Variants in FBN2 observed in about 807,000 individuals in gnomAD.
The protein encoded by FBN2 is fibrillin 2.
FBN2 carries 105 observed loss-of-function variants against 355.6 expected under a neutral mutation model. The ratio of observed to expected loss-of-function variants is 0.30; its 90% CI spans 0.25 to 0.35. The LOEUF is 0.35. Among genes scored for constraint, FBN2 ranks in the 10% least tolerant of loss-of-function variants. FBN2 has a pLI of 1.00. For missense variants in FBN2, 3,280 were observed against 3,758.7 expected (o/e 0.87, Z 3.33); for synonymous variants, 1,350 against 1,301.2 (o/e 1.04, Z -0.81).
intron 23 of FBN2, among the ~76,000 whole-genome samples, 198 bp downstream of exon 23, chr5:128,349,149 A>G (rs2126919407): frequency 6.6e-6 from 1 of 152,322 alleles, no homozygotes; most frequent in Admixed American, 6.5e-5. Context: ...AGCAGTCCCA[A>G]CTTTTGGCAT....
intron 26 of FBN2, among the ~76,000 whole-genome samples, chr5:128,338,729 C>T (rs1386470243): frequency 6.6e-6 from 1 of 152,160 alleles, no homozygotes; most frequent in Admixed American, 6.5e-5. Flanking sequence ...TATCTCATTG[C>T]CATGAAGGCG....
At chr5:128,353,169 CAA>C (rs753825792) in intron 20 of FBN2, among the ~76,000 whole-genome samples, 4 of 122,720 alleles carry the variant, frequency 3.3e-5, no homozygotes, top group Admixed American at 8.3e-5. Context: ...CCCTGTCTTC[CAA>C]AAAAAAAAAA....
At chr5:128,301,848 T>C (rs1049989453) in intron 46 of FBN2, among the ~76,000 whole-genome samples, 3 of 152,196 alleles carry the variant, frequency 2.0e-5, no homozygotes, top group Non-Finnish European at 4.4e-5. Context: ...CAGGAGGATA[T>C]GTGGGATTTA....
At chr5:128,297,119 T>C (rs1409833973) in intron 48 of FBN2, among the ~76,000 whole-genome samples, 3 of 152,124 alleles carry the variant, frequency 2.0e-5, no homozygotes, top group Admixed American at 2.0e-4. Context: ...CAGGAGCAGG[T>C]TGTTCAGTTT....
chr5:128,297,366 A>G (rs957665426), intron 48 of FBN2, among the ~76,000 whole-genome samples: 3 of 152,128 alleles, frequency 2.0e-5, no homozygotes, highest in African/African-American at 7.2e-5. Flanking sequence ...CTTGGTGCAG[A>G]GCTGAGTTCA....
chr5:128,280,429 T>G, intron 55 of FBN2, 112 bp from the exon 56 acceptor site: 1 of 790,350 alleles, frequency 1.3e-6, no homozygotes, highest in Admixed American at 2.0e-5. Flanking sequence ...AATACTAATA[T>G]GATGAGATTA....
intron 45 of FBN2, 94 bp from the exon 46 acceptor site, chr5:128,303,183 G>T: frequency 1.3e-6 from 1 of 780,590 alleles, no homozygotes; most frequent in Non-Finnish European, 2.3e-6. Context: ...GAATTACTTA[G>T]ATTTTCCTCA....
At chr5:128,399,963 C>T (rs1354275512) in intron 8 of FBN2, among the ~76,000 whole-genome samples, 1 of 151,726 alleles carries the variant, frequency 6.6e-6, no homozygotes, top group Non-Finnish European at 1.5e-5. Context: ...AAAATAAAAA[C>T]AAATATATCA....
intron 62 of FBN2, among the ~76,000 whole-genome samples, chr5:128,270,587 A>C (rs151010522): frequency 2.5e-3 from 376 of 152,318 alleles, no homozygotes; most frequent in Non-Finnish European, 4.3e-3. Flanking sequence ...GGACACAGGC[A>C]TGGGCAAAGA....
chr5:128,325,465 A>T (rs1391849880), intron 34 of FBN2, among the ~76,000 whole-genome samples: 2 of 152,170 alleles, frequency 1.3e-5, no homozygotes, highest in Admixed American at 1.3e-4. Flanking sequence ...TGCTTGGTAA[A>T]TATTCCTCCA....
rs368753878 is a variant in FBN2 at position 128,352,220 on chromosome 5, A to G, written c.2675-1215T>C. Among the ~76,000 whole-genome samples, 2 of 152,130 alleles carry G rather than the reference A, an allele frequency of 1.3e-5. 1 individual carries two copies. The highest frequency in any genetic ancestry group is 4.1e-4 in the South Asian group (2 of 4,826). Reference sequence around the variant, plus strand: ...TTTCAGGCACTTAAAAAATGTGTGTATGTGTGTGTGTAGATTTATCTCTAG... The same window carrying G: ...TTTCAGGCACTTAAAAAATGTGTGTGTGTGTGTGTGTAGATTTATCTCTAG... On this transcript the variant is annotated intron_variant, in intron 20 of 64. Coordinates refer to ENST00000262464, the MANE Select transcript of FBN2 (RefSeq NM_001999.4).
chr5:128,446,388 T>G, intron 7 of FBN2, 93 bp downstream of exon 7: 5 of 1,314,740 alleles, frequency 3.8e-6, no homozygotes, highest in Non-Finnish European at 5.4e-6. Context: ...GAGTTTTAAT[T>G]GTGACCAGTA....
chr5:128,438,041 A>C (rs2127042538), intron 7 of FBN2, among the ~76,000 whole-genome samples: 1 of 152,330 alleles, frequency 6.6e-6, no homozygotes, highest in Middle Eastern at 3.4e-3. Context: ...TACAGGCTGG[A>C]GTGCAGTGGC....
intron 8 of FBN2, among the ~76,000 whole-genome samples, chr5:128,403,409 C>A (rs1581266904): frequency 6.6e-6 from 1 of 152,188 alleles, no homozygotes; most frequent in African/African-American, 2.4e-5. Flanking sequence ...ATCCCATTTT[C>A]TGAACTTAAC....
chr5:128,497,210 A>G (rs1403766165), intron 5 of FBN2, among the ~76,000 whole-genome samples: 1 of 152,174 alleles, frequency 6.6e-6, no homozygotes, highest in East Asian at 1.9e-4. Flanking sequence ...CAGCCTGATG[A>G]CATGTCAACA....
intron 61 of FBN2, among the ~76,000 whole-genome samples, chr5:128,272,690 A>G (rs1765297945): frequency 6.6e-6 from 1 of 151,960 alleles, no homozygotes; most frequent in South Asian, 2.1e-4. Flanking sequence ...ATGTGGTATT[A>G]TTATACATGT....
Position 128,335,540 on chromosome 5 carries a change from G to A in FBN2, c.3762C>T (p.Asp1254=), listed in dbSNP as rs2279582. 11,277 of 1,613,926 alleles carry A rather than the reference G, an allele frequency of 7.0e-3. 68 individuals are homozygous for A. The highest frequency in any genetic ancestry group is 0.019 in the East Asian group (866 of 44,878). The change falls in exon 29 of 65, where the codon GAC becomes GAT. Residue 1254 remains aspartate (D), a synonymous_variant. Transcript: ENST00000262464. Reference sequence around the variant, plus strand: ...TTCCCTCTGAATTTGTGCACTGGGTGTCACAGCCTCCGTTCATTATCATAC... The same window carrying A: ...TTCCCTCTGAATTTGTGCACTGGGTATCACAGCCTCCGTTCATTATCATAC... The part of the protein sequence containing the change: ...DECMIMNGGC[D]TQCTNSEGSY...
rs1756598729 is a variant in FBN2, at chr5:128,527,722, G to A, written c.532+150C>T. ...TAAAAGAATTAGAAAAATTCTTACA[G>A]GATAAAAATTAGAAATTCAGTTTTA... On this transcript the variant is annotated intron_variant, in intron 4 of 64. Coordinates refer to ENST00000262464, the MANE Select transcript of FBN2 (RefSeq NM_001999.4). 4 of 616,186 alleles carry A rather than the reference G, an allele frequency of 6.5e-6. No homozygotes were observed. The South Asian group carries it at 7.5e-5, about 12-fold the overall frequency. The allele number at this position is 616,186 out of a possible 1,614,324, so 38.2% of individuals were successfully genotyped here.
chr5:128,419,719 T>A (rs1393566302), intron 7 of FBN2, among the ~76,000 whole-genome samples: 2 of 151,990 alleles, frequency 1.3e-5, no homozygotes, highest in African/African-American at 4.8e-5. Flanking sequence ...GAGACAAGAG[T>A]TTTGCTCTTG....
Sources: allele counts gnomAD v4.1 joint callset (sites outside exome capture counted in the v4.1 genomes callset), GRCh38; gene constraint gnomAD v4.1.1; transcripts MANE v1.5; gene names NCBI Gene and HGNC (gene_info 2026-07-23, HGNC 2026-07-21).